Variants in MTFR1 observed in about 807,000 individuals in gnomAD.
MTFR1 encodes the protein mitochondrial fission regulator 1.
In MTFR1, 28 loss-of-function variants were observed where a neutral mutation model predicts 38.8. That is an observed-to-expected ratio of 0.72 (90% CI 0.53 to 0.99). The LOEUF is 0.99. Among genes scored for constraint, MTFR1 ranks in the 50% least tolerant of loss-of-function variants. The pLI, the probability that MTFR1 is intolerant of heterozygous loss-of-function variation, is 0.00. For missense variants in MTFR1, 358 were observed against 395.5 expected, an observed-to-expected ratio of 0.91 and a Z score of 0.81; for synonymous variants, 145 against 137.0, an observed-to-expected ratio of 1.06 and a Z score of -0.41.
At chr8:65,758,614 C>T (rs1471779019) in intron 3 of MTFR1, among the ~76,000 whole-genome samples, 2 of 152,232 alleles carry the variant, frequency 1.3e-5, no homozygotes, top group Non-Finnish European at 2.9e-5. Flanking sequence ...TTTCATCTCC[C>T]TCTGTTATGG....
At chr8:65,768,024 C>T (rs1048731142) in intron 3 of MTFR1, among the ~76,000 whole-genome samples, 2 of 152,004 alleles carry the variant, frequency 1.3e-5, no homozygotes, top group Admixed American at 6.6e-5. Flanking sequence ...TCTGACACTC[C>T]CTCCAGGTAG....
chr8:65,713,086 G>A (rs768003453), downstream of MTFR1, among the ~76,000 whole-genome samples: 23 of 152,224 alleles, frequency 1.5e-4, no homozygotes, highest in Non-Finnish European at 3.1e-4. Context: ...GAAAGCTTCA[G>A]TAAACCAATT....
intron 3 of MTFR1, among the ~76,000 whole-genome samples, chr8:65,736,486 C>T (rs1367611772): frequency 6.6e-6 from 1 of 152,180 alleles, no homozygotes; most frequent in African/African-American, 2.4e-5. Context: ...GGTGCACTGC[C>T]TCACACCTGT....
At chr8:65,646,812 A>G (rs972441628) in intron 1 of MTFR1, among the ~76,000 whole-genome samples, 3 of 152,244 alleles carry the variant, frequency 2.0e-5, no homozygotes, top group African/African-American at 7.2e-5. Context: ...TTGGATATTA[A>G]TACTAAATAT....
intron 3 of MTFR1, among the ~76,000 whole-genome samples, chr8:65,692,863 AT>A (rs1273742823): frequency 6.7e-6 from 1 of 149,906 alleles, no homozygotes; most frequent in Non-Finnish European, 1.5e-5. Context: ...ATATTCCTGG[AT>A]TTAGCTCAAG....
intron 4 of MTFR1, among the ~76,000 whole-genome samples, chr8:65,700,357 A>G (rs1805576375): frequency 1.3e-5 from 2 of 151,256 alleles, no homozygotes; most frequent in South Asian, 4.2e-4. Context: ...CTTAAAAAAA[A>G]AAAAAAAAAG....
At chr8:65,706,962 T>C in intron 5 of MTFR1, 48 bp from the exon 6 acceptor site, 3 of 1,519,594 alleles carry the variant, frequency 2.0e-6, no homozygotes, top group Non-Finnish European at 2.6e-6. Flanking sequence ...TGATATTTTC[T>C]TTGCTTAATA....
intron 3 of MTFR1, chr8:65,723,356 A>T: frequency 2.2e-6 from 1 of 457,034 alleles, no homozygotes; most frequent in Non-Finnish European, 3.4e-6. Context: ...TATACTTTTT[A>T]CATCCTAAAA....
At chr8:65,720,441 A>G (rs1375743926) in intron 3 of MTFR1, 1 of 154,200 alleles carries the variant, frequency 6.5e-6, no homozygotes, top group Non-Finnish European at 1.5e-5. Context: ...GACCACAGAC[A>G]ACATAGGTTC....
At chr8:65,660,364 C>CT (rs1284571174) in intron 1 of MTFR1, among the ~76,000 whole-genome samples, 3 of 150,636 alleles carry the variant, frequency 2.0e-5, no homozygotes, top group Admixed American at 2.0e-4. Context: ...CTGGACTGGT[C>CT]TGAGGGATGC....
chr8:65,765,266 G>A (rs888050510), intron 3 of MTFR1, among the ~76,000 whole-genome samples: 3 of 151,704 alleles, frequency 2.0e-5, no homozygotes, highest in African/African-American at 7.3e-5. Context: ...GAGGCGGGCG[G>A]ATCACGAGGT....
chr8:65,697,980 C>T (rs985806121), intron 4 of MTFR1, among the ~76,000 whole-genome samples: 4 of 151,936 alleles, frequency 2.6e-5, no homozygotes, highest in African/African-American at 7.3e-5. Flanking sequence ...TGGGGTCTTT[C>T]ATGGAGCAAA....
At chr8:65,773,543 C>T (rs939817001), downstream of MTFR1, among the ~76,000 whole-genome samples, 1 of 152,186 alleles carries the variant, frequency 6.6e-6, no homozygotes, top group Non-Finnish European at 1.5e-5. Flanking sequence ...ACCTCAAGCC[C>T]GGTTCTGCTT....
intron 2 of MTFR1, chr8:65,717,562 G>C (rs570698336): frequency 1.3e-5 from 2 of 152,118 alleles, no homozygotes; most frequent in Non-Finnish European, 2.9e-5. Flanking sequence ...AGATAAGCTC[G>C]GACTGAGTAA....
intron 1 of MTFR1, among the ~76,000 whole-genome samples, chr8:65,665,376 C>T (rs1804352933): frequency 6.6e-6 from 1 of 152,132 alleles, no homozygotes; most frequent in Non-Finnish European, 1.5e-5. Flanking sequence ...ATTTATAAAA[C>T]TGATAATAGA....
intron 3 of MTFR1, among the ~76,000 whole-genome samples, chr8:65,767,640 C>T (rs1287968005): frequency 6.6e-6 from 1 of 152,090 alleles, no homozygotes; most frequent in African/African-American, 2.4e-5. Flanking sequence ...GGAATGCTGA[C>T]CTCAAGAAGC....
At chr8:65,745,588 A>C (rs909003808) in intron 3 of MTFR1, 32 of 617,052 alleles carry the variant, frequency 5.2e-5, no homozygotes, top group Non-Finnish European at 8.6e-5. Flanking sequence ...TAAAAAATAC[A>C]AGTATCATTT....
chr8:65,759,731 C>T (rs1016602557), intron 3 of MTFR1, among the ~76,000 whole-genome samples: 2 of 152,086 alleles, frequency 1.3e-5, no homozygotes, highest in Non-Finnish European at 2.9e-5. Flanking sequence ...TCCTAAAGGT[C>T]CTTTCTGGAA....
At chr8:65,693,131 A>C (rs1396372887) in intron 3 of MTFR1, among the ~76,000 whole-genome samples, 1 of 152,062 alleles carries the variant, frequency 6.6e-6, no homozygotes, top group Non-Finnish European at 1.5e-5. Flanking sequence ...GGCTGGGCAC[A>C]GTGGCTCACG....
Sources: gnomAD v4.1 joint callset for allele counts (sites outside exome capture counted in the v4.1 genomes callset) on GRCh38, gnomAD v4.1.1 for gene constraint, MANE v1.5 for transcripts, NCBI Gene and HGNC (gene_info 2026-07-23, HGNC 2026-07-21) for gene names.